The following COL10A1 variants were observed in gnomAD, a reference collection of about 807,000 sequenced individuals.
COL10A1 encodes collagen type X alpha 1 chain.
Under a neutral mutation model 18.2 loss-of-function variants are expected in COL10A1, and 10 were observed. The ratio of observed to expected loss-of-function variants is 0.55; its 90% CI spans 0.34 to 0.93. COL10A1 has a LOEUF of 0.93. Ranked by LOEUF, COL10A1 falls within the 40% of genes least tolerant of loss-of-function variation. COL10A1 has a pLI of 0.02. For synonymous variants in COL10A1, 330 were observed against 316.6 expected (o/e 1.04, Z -0.45); for missense variants, 897 against 853.5 (o/e 1.05, Z -0.64).
intron 1 of COL10A1, among the ~76,000 whole-genome samples, chr6:116,155,048 A>G (rs1780150119): frequency 1.3e-5 from 2 of 152,312 alleles, no homozygotes; most frequent in South Asian, 2.1e-4. Flanking sequence ...TTGGTTTGAC[A>G]GGGAGTATAC....
At chr6:116,202,681 T>G in the COL10A1 span, among the ~76,000 whole-genome samples, 1 of 152,018 alleles carries the variant, frequency 6.6e-6, no homozygotes, top group Non-Finnish European at 1.5e-5. Context: ...AATGGCATTC[T>G]GAGATTATAG....
chr6:116,121,025 G>T lies in COL10A1; in HGVS notation c.1091C>A (p.Thr364Lys). 3.1e-6 allele frequency: 5 copies of T among 1,614,004 alleles called. No individual in the cohort carries two copies. Among genetic ancestry groups the T allele is most frequent in the Non-Finnish European group, 4.2e-6 (5 of 1,179,910 alleles). The change falls in exon 3 of 3, where the codon ACA becomes AAA. Residue 364 changes from threonine to lysine, a missense_variant. Physicochemically the swap from Thr to Lys is moderately conservative, Grantham distance 78. Coordinates refer to ENST00000651968, the MANE Select transcript of COL10A1 (RefSeq NM_000493.4). The stretch of plus-strand genomic sequence containing the variant: ...GTATCCTGCAGGCCCAGCTGGCCCT[G>T]TCTCACCTTTAGGGCCTGGGAGACC... The part of the protein sequence containing the change: ...SHGLPGPKGE[T>K]GPAGPAGYPG...
At chr6:116,126,330 T>C (rs1779308392), upstream of COL10A1, among the ~76,000 whole-genome samples, 1 of 152,200 alleles carries the variant, frequency 6.6e-6, no homozygotes, top group South Asian at 2.1e-4. Flanking sequence ...GTCTTAAATA[T>C]ATATTAATAG....
Position 116,125,384 on chromosome 6 carries a change from T to A in COL10A1, c.109A>T (p.Asn37Tyr), listed in dbSNP as rs749192483. Residue 37 changes from asparagine to tyrosine, a missense_variant, in exon 2 of 3, where the codon AAC (asparagine) becomes TAC (tyrosine). Transcript: ENST00000651968. ...MPTGIKGPLP[N>Y]TKTQFFIPYT... Reference sequence around the variant, plus strand: ...GGAATGAAGAACTGTGTCTTGGTGTTGGGTAGTGGGCCTTTTATGCCTGTG... The same window carrying A: ...GGAATGAAGAACTGTGTCTTGGTGTAGGGTAGTGGGCCTTTTATGCCTGTG... The A allele has an allele frequency of 6.2e-7, 1 of 1,613,802 alleles. No homozygotes were observed. The highest frequency in any genetic ancestry group is 1.1e-5 in the South Asian group (1 of 91,072).
the COL10A1 span, among the ~76,000 whole-genome samples, chr6:116,206,200 GC>G: frequency 6.6e-5 from 10 of 152,132 alleles, no homozygotes; most frequent in East Asian, 1.7e-3. Context: ...ATGCAGTGTG[GC>G]CCATAGCATT....
chr6:116,142,843 T>G, intron 1 of COL10A1, among the ~76,000 whole-genome samples: 1 of 152,206 alleles, frequency 6.6e-6, no homozygotes, highest in Non-Finnish European at 1.5e-5. Flanking sequence ...TTTCGTGTTC[T>G]GATGCCTTCA....
At chr6:116,182,460 A>G in the COL10A1 span, among the ~76,000 whole-genome samples, 1 of 152,138 alleles carries the variant, frequency 6.6e-6, no homozygotes. Context: ...AGGAATCTCC[A>G]CACTGTTTTC....
chr6:116,206,844 T>C, the COL10A1 span, among the ~76,000 whole-genome samples: 2 of 152,150 alleles, frequency 1.3e-5, no homozygotes, highest in East Asian at 1.9e-4. Context: ...TTTTTCTTCA[T>C]TGAATACACA....
intron 2 of COL10A1, among the ~76,000 whole-genome samples, chr6:116,122,683 G>A (rs1002054905): frequency 6.6e-6 from 1 of 152,156 alleles, no homozygotes. Context: ...TGAAAAATGC[G>A]GCTGGGCCAC....
the COL10A1 span, among the ~76,000 whole-genome samples, chr6:116,170,704 C>G: frequency 6.6e-6 from 1 of 152,166 alleles, no homozygotes; most frequent in Non-Finnish European, 1.5e-5. Flanking sequence ...CTGTACCTCC[C>G]TACCCCAAAA....
the COL10A1 span, among the ~76,000 whole-genome samples, chr6:116,191,345 C>A: frequency 1.3e-5 from 2 of 151,878 alleles, no homozygotes; most frequent in Non-Finnish European, 2.9e-5. Context: ...AACAAACAAA[C>A]AAAAGAAACC....
upstream of COL10A1, among the ~76,000 whole-genome samples, chr6:116,128,885 T>G (rs1206810376): frequency 6.6e-6 from 1 of 152,192 alleles, no homozygotes; most frequent in Admixed American, 6.5e-5. Context: ...ATTAGTTACA[T>G]TGGTTTTTGT....
the COL10A1 span, among the ~76,000 whole-genome samples, chr6:116,188,956 G>T: frequency 6.6e-6 from 1 of 151,696 alleles, no homozygotes; most frequent in African/African-American, 2.4e-5. Context: ...TAATTGGAAT[G>T]GATAAATAAA....
At chr6:116,157,328 G>C (rs1008204815) in intron 1 of COL10A1, among the ~76,000 whole-genome samples, 13 of 152,224 alleles carry the variant, frequency 8.5e-5, no homozygotes, top group African/African-American at 3.1e-4. Flanking sequence ...AACTTGGTTA[G>C]TGGAACCCTA....
At chr6:116,131,077 C>A (rs1222436074), upstream of COL10A1, among the ~76,000 whole-genome samples, 2 of 152,038 alleles carry the variant, frequency 1.3e-5, no homozygotes, top group Non-Finnish European at 2.9e-5. Context: ...TTTATACTTT[C>A]ATAAAGTACA....
intron 2 of COL10A1, among the ~76,000 whole-genome samples, chr6:116,122,227 A>G (rs1779152828): frequency 6.6e-6 from 1 of 152,210 alleles, no homozygotes; most frequent in African/African-American, 2.4e-5. Flanking sequence ...AGGATTGAAG[A>G]ATTCCTCTAG....
chr6:116,119,902 G>A lies in COL10A1; in HGVS notation c.*171C>T, dbSNP rs902852448. The A allele has an allele frequency of 1.8e-5, 12 of 649,828 alleles. 1 individual carries two copies. Among genetic ancestry groups the A allele is most frequent in the Admixed American group, 5.3e-5 (2 of 37,672 alleles). 40.3% of individuals were successfully genotyped at this position (649,828 alleles called of 1,614,324 possible). A position where few individuals can be genotyped will look rare whatever the true frequency, so the allele number is the denominator to read the frequency against. On this transcript the variant is annotated 3_prime_UTR_variant, in exon 3 of 3. Coordinates refer to ENST00000651968, the MANE Select transcript of COL10A1 (RefSeq NM_000493.4). ...AGAGAGGCTTCACATACGTTTTTAC[G>A]TTGCTGCTCACTTTTCAGGGGGAAG...
chr6:116,150,030 A>G (rs1779997914), intron 1 of COL10A1, among the ~76,000 whole-genome samples: 1 of 152,188 alleles, frequency 6.6e-6, no homozygotes, highest in Non-Finnish European at 1.5e-5. Context: ...AGGAGCTGAG[A>G]GAAGGCTTGT....
At chr6:116,206,108 T>C in the COL10A1 span, among the ~76,000 whole-genome samples, 1 of 152,100 alleles carries the variant, frequency 6.6e-6, no homozygotes, top group Middle Eastern at 3.4e-3. Context: ...TCATAGCATA[T>C]GTTTCAAAAT....
Sources: gnomAD v4.1 joint callset for allele counts (sites outside exome capture counted in the v4.1 genomes callset) on GRCh38, gnomAD v4.1.1 for gene constraint, MANE v1.5 for transcripts, NCBI Gene and HGNC (gene_info 2026-07-23, HGNC 2026-07-21) for gene names.